PDXDC1: variants seen among roughly 807,000 people sequenced by gnomAD.
PDXDC1 encodes the protein pyridoxal dependent decarboxylase domain containing 1.
Under a neutral mutation model 100.1 loss-of-function variants are expected in PDXDC1, and 42 were observed. That is an observed-to-expected ratio of 0.42 (90% CI 0.33 to 0.54). The LOEUF (loss-of-function observed/expected upper bound fraction) is 0.54, where lower values mean the gene tolerates loss of function less well. Ranked by LOEUF, PDXDC1 falls within the 20% of genes least tolerant of loss-of-function variation. The probability of loss-of-function intolerance (pLI) is 0.10; values close to 1 mark genes in which losing one functional copy is unlikely to be tolerated. For synonymous variants in PDXDC1, 260 were observed against 371.7 expected, an observed-to-expected ratio of 0.70 and a Z score of 3.46; for missense variants, 636 against 979.2, an observed-to-expected ratio of 0.65 and a Z score of 4.68.
chr16:15,065,329 G>C, intron 16 of PDXDC1: 4 of 1,613,744 alleles, frequency 2.5e-6, no homozygotes, highest in Non-Finnish European at 3.4e-6. Flanking sequence ...TCTGGCGATT[G>C]TTCCTCTCAA....
At position 15,086,521 on chromosome 16, in the gene PDXDC1, C is replaced by T. The variant is rs1026946150; in HGVS notation, c.1400-52358C>T. 9 of 1,591,570 alleles carry T rather than the reference C, an allele frequency of 5.7e-6. No individual in the cohort carries two copies. In the African/African-American group the frequency reaches 1.1e-4, roughly 19 times the overall value. On this transcript the variant is annotated intron_variant, in intron 16 of 16. Transcript: ENST00000535621. Reference sequence around the variant, plus strand: ...TAACATAACAGAAATTTACAGCTATCTTATATCAATCATTTATCAAGAATA... The same window carrying T: ...TAACATAACAGAAATTTACAGCTATTTTATATCAATCATTTATCAAGAATA...
At chr16:15,067,256 T>C (rs140816509) in intron 16 of PDXDC1, among the ~76,000 whole-genome samples, 1,890 of 151,542 alleles carry the variant, frequency 0.012, 13 homozygotes, top group Middle Eastern at 0.037. Context: ...AATATCCTCA[T>C]TGAATATTCA....
At chr16:15,027,101 A>G (rs2042665079) in intron 14 of PDXDC1, among the ~76,000 whole-genome samples, 1 of 152,294 alleles carries the variant, frequency 6.6e-6, no homozygotes. Context: ...CTGGTTGGCC[A>G]TTGTCCCCTG....
intron 16 of PDXDC1, among the ~76,000 whole-genome samples, chr16:15,112,009 T>C (rs1407444969): frequency 6.8e-6 from 1 of 147,656 alleles, no homozygotes; most frequent in Non-Finnish European, 1.5e-5. Context: ...CAGAGTTCAC[T>C]TTCCCTTCCC....
chr16:15,040,258 C>T, downstream of PDXDC1: 1 of 439,060 alleles, frequency 2.3e-6, no homozygotes, highest in Non-Finnish European at 4.0e-6. Flanking sequence ...GTGAAAATCG[C>T]TGAGGCTCGA....
intron 16 of PDXDC1, chr16:15,070,014 C>T: frequency 1.0e-6 from 1 of 977,940 alleles, no homozygotes; most frequent in Non-Finnish European, 1.5e-6. Flanking sequence ...AATCACCATT[C>T]TGAAGGGTGA....
chr16:14,987,071 TG>T (rs1969545494), intron 1 of PDXDC1, among the ~76,000 whole-genome samples: 1 of 152,262 alleles, frequency 6.6e-6, no homozygotes, highest in African/African-American at 2.4e-5. Flanking sequence ...TAAAAATGCT[TG>T]GGTTTAAGAG....
intron 16 of PDXDC1, chr16:15,072,939 T>A: frequency 6.2e-7 from 1 of 1,613,108 alleles, no homozygotes; most frequent in Non-Finnish European, 8.5e-7. Context: ...GTTAATCACA[T>A]TCTTACTCAC....
chr16:14,979,677 TG>T (rs1239223715), intron 1 of PDXDC1, among the ~76,000 whole-genome samples: 2 of 152,296 alleles, frequency 1.3e-5, no homozygotes, highest in Non-Finnish European at 2.9e-5. Flanking sequence ...AGCCCATTTT[TG>T]GTTCTTGAAC....
At chr16:15,038,683 ATCATC>A, downstream of PDXDC1, 1 of 1,538,690 alleles carries the variant, frequency 6.5e-7, no homozygotes, top group Non-Finnish European at 8.9e-7. Context: ...ATAAATGCTA[ATCATC>A]TAAAAAAGAA....
chr16:15,054,317 G>A (rs1302479151), intron 16 of PDXDC1, among the ~76,000 whole-genome samples: 6 of 152,158 alleles, frequency 3.9e-5, no homozygotes, highest in African/African-American at 1.4e-4. Context: ...TTCTTAAATA[G>A]GCCAAAACCT....
chr16:14,992,914 C>T (rs1327504449), intron 1 of PDXDC1, among the ~76,000 whole-genome samples: 1 of 151,996 alleles, frequency 6.6e-6, no homozygotes. Context: ...CGCAGTGACA[C>T]AATCATAGCT....
At chr16:15,052,202 CAT>C (rs538793654) in intron 16 of PDXDC1, among the ~76,000 whole-genome samples, 159 of 152,292 alleles carry the variant, frequency 1.0e-3, no homozygotes, top group African/African-American at 3.6e-3. Flanking sequence ...TGAAAGCAGC[CAT>C]AGACAATACA....
chr16:15,061,572 A>C (rs1302121355), intron 16 of PDXDC1: 2 of 513,316 alleles, frequency 3.9e-6, no homozygotes, highest in East Asian at 3.0e-5. Flanking sequence ...ACAACAACAA[A>C]AAAACCCAGT....
At chr16:15,042,652 T>C (rs1307850248), downstream of PDXDC1, among the ~76,000 whole-genome samples, 1 of 152,210 alleles carries the variant, frequency 6.6e-6, no homozygotes, top group African/African-American at 2.4e-5. Context: ...CAAATCTCTA[T>C]GCACATTTCA....
chr16:15,028,983 C>A lies in PDXDC1; in HGVS notation c.1293+17C>A, dbSNP rs764513660. 1 of 1,608,812 alleles carries A rather than the reference C, an allele frequency of 6.2e-7. No homozygotes were observed. The highest frequency in any genetic ancestry group is 8.5e-7 in the Non-Finnish European group (1 of 1,178,706). ...AATCGCTGGGTGAGAATGGCAGTCA[C>A]CCCCCTTTCCTTTCAGGTCCCCGTC... On this transcript the variant is annotated intron_variant, in intron 15 of 22. Coordinates refer to ENST00000396410, the MANE Select transcript of PDXDC1 (RefSeq NM_015027.4).
chr16:15,016,429 C>G, intron 9 of PDXDC1: 1 of 1,257,070 alleles, frequency 8.0e-7, no homozygotes, highest in South Asian at 1.8e-5. Flanking sequence ...ACGACATCAA[C>G]CAGGATCCAG....
intron 15 of PDXDC1, 165 bp from the exon 16 acceptor site, chr16:15,029,786 A>C: frequency 1.7e-6 from 1 of 600,914 alleles, no homozygotes; most frequent in Non-Finnish European, 2.9e-6. Flanking sequence ...AAAAACCATA[A>C]AATTTACTGT....
At chr16:15,132,841 G>A in intron 16 of PDXDC1, 3 of 1,577,774 alleles carry the variant, frequency 1.9e-6, no homozygotes, top group East Asian at 2.2e-5. Context: ...GCTCGTGCTT[G>A]GGCTCTGCCG....
Sources: allele counts gnomAD v4.1 joint callset (sites outside exome capture counted in the v4.1 genomes callset), GRCh38; gene constraint gnomAD v4.1.1; transcripts MANE v1.5; gene names NCBI Gene and HGNC (gene_info 2026-07-23, HGNC 2026-07-21).